Variants in EYA4 observed in about 807,000 individuals in gnomAD.
The protein encoded by EYA4 is EYA transcriptional coactivator and phosphatase 4.
In EYA4, 31 loss-of-function variants were observed where a neutral mutation model predicts 87.9. The observed-to-expected ratio is 0.35, with a 90% CI of 0.27 to 0.48. EYA4 has a LOEUF of 0.48. Ranked by LOEUF, EYA4 falls within the 20% of genes least tolerant of loss-of-function variation. EYA4 has a pLI of 0.99. For synonymous variants in EYA4, 263 were observed against 270.6 expected, an observed-to-expected ratio of 0.97 and a Z score of 0.28; for missense variants, 678 against 761.4, an observed-to-expected ratio of 0.89 and a Z score of 1.29.
intron 2 of EYA4, among the ~76,000 whole-genome samples, chr6:133,354,056 A>C (rs1164847093): frequency 6.6e-6 from 1 of 152,220 alleles, no homozygotes; most frequent in African/African-American, 2.4e-5. Flanking sequence ...TAGAATGCTC[A>C]TAGCACCTAC....
At chr6:133,503,537 T>C (rs1798321782) in intron 13 of EYA4, among the ~76,000 whole-genome samples, 1 of 152,202 alleles carries the variant, frequency 6.6e-6, no homozygotes, top group Non-Finnish European at 1.5e-5. Flanking sequence ...TTGTCTTGCA[T>C]CAGTGAACAT....
At chr6:133,460,740 T>C (rs1301919982) in intron 6 of EYA4, among the ~76,000 whole-genome samples, 3 of 152,074 alleles carry the variant, frequency 2.0e-5, no homozygotes, top group Admixed American at 6.6e-5. Context: ...TATATTGCCA[T>C]CATATTTGGT....
At position 133,425,982 on chromosome 6, in the gene EYA4, C is replaced by T. The variant is rs142050626; in HGVS notation, c.84-20648C>T. ...AACTGCTTGCAGGAACGTGAACACA[C>T]GATGCCGTTTCCCATCTCCATGCCA... On this transcript the variant is annotated intron_variant, in intron 3 of 19. Transcript: ENST00000355286. 3.6e-4 allele frequency among the ~76,000 whole-genome samples: 55 copies of T among 151,126 alleles called. 2 individuals are homozygous for T. The highest frequency in any genetic ancestry group is 1.3e-3 in the African/African-American group (52 of 40,548).
chr6:133,265,296 A>C (rs1369578061), intron 1 of EYA4, among the ~76,000 whole-genome samples: 2 of 151,782 alleles, frequency 1.3e-5, no homozygotes, highest in African/African-American at 4.8e-5. Flanking sequence ...TGTTACTTTC[A>C]GTGGCAAAAA....
chr6:133,273,785 G>A (rs995753440), intron 1 of EYA4, among the ~76,000 whole-genome samples: 2 of 152,170 alleles, frequency 1.3e-5, no homozygotes, highest in Admixed American at 1.3e-4. Context: ...TGTAGGGCAT[G>A]TGCCTTTCTG....
intron 2 of EYA4, among the ~76,000 whole-genome samples, chr6:133,305,885 A>G (rs1319082523): frequency 6.6e-6 from 1 of 152,236 alleles, no homozygotes; most frequent in East Asian, 1.9e-4. Flanking sequence ...AAAGAATAAA[A>G]TATGTAAGGA....
chr6:133,522,496 A>G (rs1800272739), intron 17 of EYA4, among the ~76,000 whole-genome samples: 1 of 152,168 alleles, frequency 6.6e-6, no homozygotes. Context: ...CCCAATGGGA[A>G]AACAAAATCT....
intron 2 of EYA4, among the ~76,000 whole-genome samples, chr6:133,378,214 G>A (rs1451393521): frequency 6.6e-6 from 1 of 152,106 alleles, no homozygotes; most frequent in Non-Finnish European, 1.5e-5. Flanking sequence ...GAGAATGAAA[G>A]GCTTGATGTG....
intron 11 of EYA4, among the ~76,000 whole-genome samples, chr6:133,478,143 G>T (rs1795903558): frequency 6.6e-6 from 1 of 152,032 alleles, no homozygotes; most frequent in Non-Finnish European, 1.5e-5. Context: ...CTCTCATTGT[G>T]GTAAGAGTAA....
chr6:133,448,279 G>A (rs893846638), intron 5 of EYA4, 100 bp downstream of exon 5: 1 of 893,980 alleles, frequency 1.1e-6, no homozygotes, highest in Non-Finnish European at 1.9e-6. Context: ...TCTTTTCTGT[G>A]TTCAGTACTT....
At position 133,434,569 on chromosome 6, in the gene EYA4, G is replaced by A. The variant is rs548954016; in HGVS notation, c.84-12061G>A. On this transcript the variant is annotated intron_variant, in intron 3 of 19. Transcript: ENST00000355286. ...CTAAGGTCCCATGACTGGTAAATGA[G>A]GCAGAGTTTAAAATTCAGGTTTTAG... 5.9e-5 allele frequency among the ~76,000 whole-genome samples: 9 copies of A among 152,192 alleles called. 1 individual carries two copies. The highest frequency in any genetic ancestry group is 1.9e-4 in the African/African-American group (8 of 41,530).
chr6:133,513,148 A>C, intron 16 of EYA4, 110 bp downstream of exon 16: 12 of 1,150,468 alleles, frequency 1.0e-5, no homozygotes, highest in East Asian at 2.4e-5. Flanking sequence ...GCAAAAGCTC[A>C]TATTAAACCA....
chr6:133,420,064 T>C (rs781215964), intron 3 of EYA4, among the ~76,000 whole-genome samples: 11 of 152,134 alleles, frequency 7.2e-5, no homozygotes, highest in Admixed American at 3.9e-4. Flanking sequence ...TAGGAACCTA[T>C]TTGGGCAAAT....
chr6:133,421,136 G>T (rs1040691701), intron 3 of EYA4, among the ~76,000 whole-genome samples: 1 of 152,166 alleles, frequency 6.6e-6, no homozygotes, highest in Admixed American at 6.5e-5. Context: ...GCCTCATTAT[G>T]CAAGAGGTCA....
At chr6:133,497,459 A>G (rs897532549) in intron 13 of EYA4, among the ~76,000 whole-genome samples, 1 of 152,118 alleles carries the variant, frequency 6.6e-6, no homozygotes, top group Non-Finnish European at 1.5e-5. Context: ...TCCAAGCAGA[A>G]CTATTCCTGG....
At chr6:133,338,277 GA>G (rs1366941919) in intron 2 of EYA4, among the ~76,000 whole-genome samples, 1 of 151,852 alleles carries the variant, frequency 6.6e-6, no homozygotes, top group East Asian at 1.9e-4. Context: ...TGAGTAAATA[GA>G]AAAAAAGGTC....
chr6:133,331,045 T>A (rs1781914962), intron 2 of EYA4, among the ~76,000 whole-genome samples: 1 of 151,202 alleles, frequency 6.6e-6, no homozygotes, highest in African/African-American at 2.4e-5. Flanking sequence ...TTTTTTTTTT[T>A]TTTGCACCAG....
intron 3 of EYA4, among the ~76,000 whole-genome samples, chr6:133,440,268 A>C (rs1185647526): frequency 2.0e-5 from 3 of 152,210 alleles, no homozygotes; most frequent in African/African-American, 7.2e-5. Flanking sequence ...AATGACACCT[A>C]AATAAATATG....
At chr6:133,516,076 G>A (rs988176307) in intron 17 of EYA4, among the ~76,000 whole-genome samples, 7 of 149,388 alleles carry the variant, frequency 4.7e-5, no homozygotes, top group Admixed American at 1.3e-4. Context: ...AGTCTGGAAC[G>A]TGATAGCTGG....
Sources: gnomAD v4.1 joint callset for allele counts (sites outside exome capture counted in the v4.1 genomes callset) on GRCh38, gnomAD v4.1.1 for gene constraint, MANE v1.5 for transcripts, NCBI Gene and HGNC (gene_info 2026-07-23, HGNC 2026-07-21) for gene names.